Variants in FBLN2 observed in about 807,000 individuals in gnomAD.
The protein encoded by FBLN2 is fibulin 2.
Under a neutral mutation model 123.7 loss-of-function variants are expected in FBLN2, and 81 were observed. The ratio of observed to expected loss-of-function variants is 0.65; its 90% CI spans 0.55 to 0.79. FBLN2 has a LOEUF of 0.79. FBLN2 is among the 30% of genes least tolerant of loss of function. The probability of loss-of-function intolerance (pLI) is 0.00; values close to 1 mark genes in which losing one functional copy is unlikely to be tolerated. For synonymous variants in FBLN2, 699 were observed against 701.4 expected, an observed-to-expected ratio of 1.00 and a Z score of 0.05; for missense variants, 1,603 against 1,681.3, an observed-to-expected ratio of 0.95 and a Z score of 0.81.
intron 2 of FBLN2, among the ~76,000 whole-genome samples, chr3:13,598,376 C>T (rs1269921413): frequency 6.6e-6 from 1 of 152,200 alleles, no homozygotes; most frequent in African/African-American, 2.4e-5. Flanking sequence ...CCAAGTGCCC[C>T]AGCCAGTGAG....
chr3:13,600,385 G>C (rs944966633), intron 2 of FBLN2, among the ~76,000 whole-genome samples: 2 of 152,026 alleles, frequency 1.3e-5, no homozygotes, highest in Non-Finnish European at 1.5e-5. Context: ...GGCCAGGAGA[G>C]AATGGGGGGA....
intron 8 of FBLN2, 132 bp downstream of exon 8, chr3:13,619,963 C>T: frequency 3.1e-6 from 2 of 637,648 alleles, no homozygotes; most frequent in Admixed American, 3.1e-5. Flanking sequence ...CTATGATGAG[C>T]ACCCCTAGTG....
Position 13,636,587 on chromosome 3 carries a change from G to T in FBLN2, c.3338+19G>T. 1 of 1,610,774 alleles carries T rather than the reference G, an allele frequency of 6.2e-7. No homozygotes were observed. Among genetic ancestry groups the T allele is most frequent in the South Asian group, 1.1e-5 (1 of 90,220 alleles). On this transcript the variant is annotated intron_variant, in intron 17 of 17. Transcript: ENST00000404922. ...CCAAAACGTGAGTGTCCCCACCCCA[G>T]TCCCAGTCCCAGGGAGCCTGTCCTG...
intron 1 of FBLN2, among the ~76,000 whole-genome samples, chr3:13,561,551 G>A (rs1380907027): frequency 6.6e-6 from 1 of 152,110 alleles, no homozygotes; most frequent in African/African-American, 2.4e-5. Flanking sequence ...TGCACATACT[G>A]TTAGTGCTGC....
chr3:13,585,391 A>G (rs1401288877), intron 2 of FBLN2, among the ~76,000 whole-genome samples: 1 of 152,114 alleles, frequency 6.6e-6, no homozygotes, highest in Non-Finnish European at 1.5e-5. Flanking sequence ...GGGGGTGTGC[A>G]TGGGGGAATC....
Position 13,553,879 on chromosome 3 carries a change from C to T in FBLN2, c.-42+4671C>T, listed in dbSNP as rs1703394750. Among the ~76,000 whole-genome samples, 10 of 152,354 alleles carry T rather than the reference C, an allele frequency of 6.6e-5. 1 individual carries two copies. The South Asian group carries it at 2.1e-3, about 32-fold the overall frequency. On this transcript the variant is annotated intron_variant, in intron 1 of 17. Transcript: ENST00000404922. Reference sequence around the variant, plus strand: ...GTCCCAGGTCTCACACCTTGTCGGGCTTCTGGTTGCTCATCTGTGAATCGG... The same window carrying T: ...GTCCCAGGTCTCACACCTTGTCGGGTTTCTGGTTGCTCATCTGTGAATCGG...
At chr3:13,563,296 T>A (rs1309738892) in intron 1 of FBLN2, among the ~76,000 whole-genome samples, 1 of 152,216 alleles carries the variant, frequency 6.6e-6, no homozygotes, top group Non-Finnish European at 1.5e-5. Flanking sequence ...GAGGTGCACA[T>A]GTCTCCCAGC....
intron 1 of FBLN2, among the ~76,000 whole-genome samples, chr3:13,564,045 G>A (rs1703677665): frequency 6.6e-6 from 1 of 152,198 alleles, no homozygotes; most frequent in African/African-American, 2.4e-5. Context: ...GGGCCCCACA[G>A]CTTCAGTGTC....
chr3:13,563,128 C>T (rs924483377), intron 1 of FBLN2, among the ~76,000 whole-genome samples: 2 of 152,204 alleles, frequency 1.3e-5, no homozygotes, highest in Admixed American at 1.3e-4. Context: ...ACTTTCTGGG[C>T]CTCAGGTGGT....
chr3:13,622,028 T>A, intron 9 of FBLN2, 113 bp downstream of exon 9: 1 of 1,261,010 alleles, frequency 7.9e-7, no homozygotes, highest in Non-Finnish European at 1.1e-6. Flanking sequence ...ATGTGAGCTC[T>A]CAGCACAGCC....
At chr3:13,626,992 G>A (rs961037719) in intron 10 of FBLN2, among the ~76,000 whole-genome samples, 20 of 152,000 alleles carry the variant, frequency 1.3e-4, no homozygotes, top group African/African-American at 4.4e-4. Flanking sequence ...CAACAAGTAC[G>A]TCCTGAGCTG....
In FBLN2 at chr3:13,629,827, T is replaced by G; in HGVS notation, c.2850T>G (p.Asn950Lys). The G allele has an allele frequency of 6.4e-7, 1 of 1,573,494 alleles. No homozygotes were observed. Among genetic ancestry groups the G allele is most frequent in the South Asian group, 1.2e-5 (1 of 85,506 alleles). Reference protein sequence around the residue: ...DAFGRGCIDVNECWASPGRLC... With the variant: ...DAFGRGCIDVKECWASPGRLC... ...CTGCCTGCCCTCCCACAGACGTGAA[T>G]GAGTGCTGGGCCTCGCCAGGCCGCC... is the stretch of plus-strand genomic sequence containing the variant. Residue 950 changes from asparagine (N) to lysine (K), a missense_variant, in exon 14 of 18, where the codon AAT becomes AAG. By Grantham distance (94) the Asn-to-Lys change is moderately conservative. Transcript: ENST00000404922.
At chr3:13,592,553 T>G (rs947381000) in intron 2 of FBLN2, among the ~76,000 whole-genome samples, 2 of 152,254 alleles carry the variant, frequency 1.3e-5, no homozygotes, top group East Asian at 3.8e-4. Flanking sequence ...TGGTATTGTA[T>G]TGAATCTGTA....
In FBLN2 at chr3:13,638,355, T is replaced by TA. The variant is rs929423473; in HGVS notation, c.*444dup. 2 of 313,096 alleles carry TA rather than the reference T, an allele frequency of 6.4e-6. No homozygotes were observed. Among genetic ancestry groups the TA allele is most frequent in the South Asian group, 2.6e-5 (1 of 38,090 alleles). 19.4% of individuals were successfully genotyped at this position (313,096 alleles called of 1,614,324 possible). On this transcript the variant is annotated 3_prime_UTR_variant, in exon 18 of 18. Coordinates refer to ENST00000404922, the MANE Select transcript of FBLN2 (RefSeq NM_001004019.2). ...TATAAAGTAGTACATGTACATTATA[T>TA]AAAAAAAAGTTCAACTAGTATGAAA...
intron 2 of FBLN2, among the ~76,000 whole-genome samples, chr3:13,582,752 G>A (rs1230314870): frequency 6.6e-6 from 1 of 152,258 alleles, no homozygotes; most frequent in Non-Finnish European, 1.5e-5. Flanking sequence ...CGGGCTAACG[G>A]CAGCCAGCAC....
intron 2 of FBLN2, among the ~76,000 whole-genome samples, chr3:13,574,327 T>C (rs1704062140): frequency 6.6e-6 from 1 of 152,164 alleles, no homozygotes; most frequent in Admixed American, 6.5e-5. Context: ...CCCCAGCTGC[T>C]CTGGGAACCT....
chr3:13,551,803 G>A (rs1448451449), intron 1 of FBLN2, among the ~76,000 whole-genome samples: 2 of 151,324 alleles, frequency 1.3e-5, no homozygotes, highest in Non-Finnish European at 2.9e-5. Flanking sequence ...GTCTCCCAAA[G>A]TGCTGGGATT....
rs765109544 is a variant in FBLN2, at chr3:13,570,324, G to A, written c.-32G>A. 81 of 1,493,138 alleles carry A rather than the reference G, an allele frequency of 5.4e-5. No homozygotes were observed. The highest frequency in any genetic ancestry group is 9.4e-5 in the Admixed American group (4 of 42,476). The allele number at this position is 1,493,138 out of a possible 1,614,324, so 92.5% of individuals were successfully genotyped here. ...TTTCTGATTCCCCCAGGGTCTTACA[G>A]GAGAGGGGACCGTCCTGGGCTGGCC... On this transcript the variant is annotated 5_prime_UTR_variant, in exon 2 of 18. Transcript: ENST00000404922.
chr3:13,589,588 C>G (rs1574964824), intron 2 of FBLN2, among the ~76,000 whole-genome samples: 1 of 152,150 alleles, frequency 6.6e-6, no homozygotes, highest in East Asian at 1.9e-4. Flanking sequence ...GTCCAGTGCT[C>G]TCTCTCATTT....
Sources: allele counts gnomAD v4.1 joint callset (sites outside exome capture counted in the v4.1 genomes callset), GRCh38; gene constraint gnomAD v4.1.1; transcripts MANE v1.5; gene names NCBI Gene and HGNC (gene_info 2026-07-23, HGNC 2026-07-21).